ADCY9: variants seen among roughly 807,000 people sequenced by gnomAD.
The protein encoded by ADCY9 is adenylate cyclase type 9.
ADCY9 carries 50 observed loss-of-function variants against 101.5 expected under a neutral mutation model. The ratio of observed to expected loss-of-function variants is 0.49; its 90% confidence interval spans 0.39 to 0.62. The LOEUF is 0.62. Among genes scored for constraint, ADCY9 ranks in the 20% least tolerant of loss-of-function variants. ADCY9 has a pLI of 0.00. For missense variants in ADCY9, 1,662 were observed against 1,800.4 expected (o/e 0.92, Z 1.39); for synonymous variants, 905 against 769.3 (o/e 1.18, Z -2.92).
intron 2 of ADCY9, among the ~76,000 whole-genome samples, chr16:4,044,274 G>A (rs529442070): frequency 6.6e-6 from 1 of 152,140 alleles, no homozygotes; most frequent in South Asian, 2.1e-4. Context: ...TTGAACCCAG[G>A]AGGCGGAGGT....
chr16:4,063,666 C>T (rs111842942), intron 2 of ADCY9, among the ~76,000 whole-genome samples: 549 of 151,428 alleles, frequency 3.6e-3, no homozygotes, highest in African/African-American at 0.012. Context: ...GAGCCAGTAT[C>T]GCACCACTGC....
chr16:3,963,639 G>A lies in ADCY9; in HGVS notation c.*2136C>T. On this transcript the variant is annotated 3_prime_UTR_variant, in exon 11 of 11. Transcript: ENST00000294016. Reference sequence around the variant, plus strand: ...AGGAAATGGGCTTGATGGGGAAGAAGTGTGTGCGGAGAACTTTGCGGAGCA... The same window carrying A: ...AGGAAATGGGCTTGATGGGGAAGAAATGTGTGCGGAGAACTTTGCGGAGCA... 9.3e-6 allele frequency: 3 copies of A among 322,136 alleles called. No homozygotes were observed. Among genetic ancestry groups the A allele is most frequent in the Non-Finnish European group, 1.7e-5 (3 of 177,778 alleles). The allele number at this position is 322,136 out of a possible 1,614,324, so 20.0% of individuals were successfully genotyped here. A position where few individuals can be genotyped will look rare whatever the true frequency, so the allele number is the denominator to read the frequency against.
At chr16:3,986,260 C>T (rs1221463345) in intron 6 of ADCY9, among the ~76,000 whole-genome samples, 3 of 152,200 alleles carry the variant, frequency 2.0e-5, no homozygotes. Context: ...CCACGTGGAG[C>T]CCCCAGCACA....
chr16:4,041,506 CAAAAAAAAAAAA>C (rs55669348), intron 2 of ADCY9, among the ~76,000 whole-genome samples: 3 of 94,620 alleles, frequency 3.2e-5, no homozygotes, highest in African/African-American at 4.2e-5. Context: ...GTATTAAAAC[CAAAAAAAAAAAA>C]AAAAAAAAAA....
intron 2 of ADCY9, among the ~76,000 whole-genome samples, chr16:4,024,307 C>T (rs2056498855): frequency 6.6e-6 from 1 of 152,206 alleles, no homozygotes; most frequent in Non-Finnish European, 1.5e-5. Flanking sequence ...AGGCATAAGC[C>T]ACTGCACCCA....
chr16:3,973,068 A>C (rs1023984889), intron 10 of ADCY9, among the ~76,000 whole-genome samples: 9 of 151,672 alleles, frequency 5.9e-5, no homozygotes, highest in Admixed American at 1.3e-4. Flanking sequence ...CCTATAGTAC[A>C]TATATAGTTT....
chr16:4,098,713 A>G (rs911332084), intron 2 of ADCY9, among the ~76,000 whole-genome samples: 2 of 152,108 alleles, frequency 1.3e-5, no homozygotes, highest in Admixed American at 6.5e-5. Context: ...AGTCAAATAC[A>G]TATGATGCAA....
chr16:4,022,699 CAGA>C (rs1421145210), intron 2 of ADCY9, among the ~76,000 whole-genome samples: 1 of 151,942 alleles, frequency 6.6e-6, no homozygotes, highest in African/African-American at 2.4e-5. Context: ...GAGGCTGAAG[CAGA>C]AGGATTGCTT....
chr16:4,082,665 C>T (rs2056911336), intron 2 of ADCY9, among the ~76,000 whole-genome samples: 1 of 151,078 alleles, frequency 6.6e-6, no homozygotes, highest in Non-Finnish European at 1.5e-5. Context: ...TATATGCACA[C>T]CCATGCACAC....
intron 2 of ADCY9, among the ~76,000 whole-genome samples, chr16:4,080,210 T>G (rs2056892961): frequency 6.6e-6 from 1 of 152,126 alleles, no homozygotes; most frequent in Non-Finnish European, 1.5e-5. Context: ...CACCTGTACC[T>G]AAGAATTTAA....
chr16:3,968,442 G>C (rs1057476978), intron 10 of ADCY9, among the ~76,000 whole-genome samples: 23 of 152,032 alleles, frequency 1.5e-4, no homozygotes, highest in African/African-American at 5.6e-4. Context: ...TTGGTTCTTA[G>C]ATTTCTAATC....
At chr16:3,978,804 C>A (rs1383733016) in intron 8 of ADCY9, among the ~76,000 whole-genome samples, 1 of 152,232 alleles carries the variant, frequency 6.6e-6, no homozygotes, top group Admixed American at 6.5e-5. Context: ...ACTGCAACCT[C>A]TGCCTCCCAG....
At chr16:4,103,636 C>G (rs2057057786) in intron 2 of ADCY9, among the ~76,000 whole-genome samples, 1 of 152,174 alleles carries the variant, frequency 6.6e-6, no homozygotes, top group South Asian at 2.1e-4. Flanking sequence ...TCAAGACCAG[C>G]CTGGCCAATA....
chr16:4,010,980 G>A (rs980677190), intron 2 of ADCY9, among the ~76,000 whole-genome samples: 1 of 152,138 alleles, frequency 6.6e-6, no homozygotes, highest in Non-Finnish European at 1.5e-5. Flanking sequence ...CCTTGATCTT[G>A]GACTTCCCAG....
intron 2 of ADCY9, among the ~76,000 whole-genome samples, chr16:4,103,706 T>C (rs2057058335): frequency 6.6e-6 from 1 of 152,154 alleles, no homozygotes; most frequent in Non-Finnish European, 1.5e-5. Context: ...GGCACACATC[T>C]GTAAATCCCA....
At chr16:4,019,694 G>C (rs1171232565) in intron 2 of ADCY9, among the ~76,000 whole-genome samples, 1 of 152,222 alleles carries the variant, frequency 6.6e-6, no homozygotes, top group Non-Finnish European at 1.5e-5. Flanking sequence ...GTTGTCAAAG[G>C]AGAGATGGAA....
At chr16:4,040,834 T>C (rs9928553) in intron 2 of ADCY9, among the ~76,000 whole-genome samples, 1,536 of 152,326 alleles carry the variant, frequency 0.01, 17 homozygotes, top group African/African-American at 0.035. Context: ...TTTTCACCTA[T>C]TGACTGAACT....
At position 4,113,373 on chromosome 16, in the gene ADCY9, A is replaced by G. The variant is rs554947914; in HGVS notation, c.1693+377T>C. ...GAGAGAAACATTTGGATGGGACTTC[A>G]GGGTGACCAAATGAATGCAAAGGCA... On this transcript the variant is annotated intron_variant, in intron 2 of 10. Coordinates refer to ENST00000294016, the MANE Select transcript of ADCY9 (RefSeq NM_001116.4). 1.6e-3 allele frequency among the ~76,000 whole-genome samples: 241 copies of G among 152,322 alleles called. 9 individuals carry two copies. The South Asian group carries it at 0.042, about 27-fold the overall frequency.
chr16:3,998,749 G>GAAAAAAAAGA (rs1352047433), intron 3 of ADCY9, among the ~76,000 whole-genome samples: 1 of 89,718 alleles, frequency 1.1e-5, no homozygotes. Context: ...AAGAAAGAAA[G>GAAAAAAAAGA]AAAGAAAAGA....
Sources: allele counts gnomAD v4.1 joint callset (sites outside exome capture counted in the v4.1 genomes callset), GRCh38; gene constraint gnomAD v4.1.1; transcripts MANE v1.5; gene names NCBI Gene and HGNC (gene_info 2026-07-23, HGNC 2026-07-21).